Variants in DPP10 observed in about 807,000 individuals in gnomAD.
DPP10 encodes the protein dipeptidyl peptidase like 10.
DPP10 carries 33 observed loss-of-function variants against 120.9 expected under a neutral mutation model. That is an observed-to-expected ratio of 0.27 (90% CI 0.21 to 0.37). The LOEUF is 0.37. Among genes scored for constraint, DPP10 ranks in the 10% least tolerant of loss-of-function variants. DPP10 has a pLI of 1.00. For synonymous variants in DPP10, 337 were observed against 326.1 expected, an observed-to-expected ratio of 1.03 and a Z score of -0.36; for missense variants, 816 against 942.8, an observed-to-expected ratio of 0.87 and a Z score of 1.76.
At chr2:115,009,210 A>T (rs1702079283) in intron 1 of DPP10, among the ~76,000 whole-genome samples, 1 of 149,896 alleles carries the variant, frequency 6.7e-6, no homozygotes, top group South Asian at 2.2e-4. Context: ...CTGGATTAAG[A>T]AAATGTGGCA....
chr2:115,785,566 G>A (rs1683243500), intron 17 of DPP10, among the ~76,000 whole-genome samples: 1 of 152,128 alleles, frequency 6.6e-6, no homozygotes, highest in African/African-American at 2.4e-5. Context: ...ACTCTTGAAA[G>A]GGTGTGTATG....
intron 1 of DPP10, among the ~76,000 whole-genome samples, chr2:114,859,869 G>A (rs1275102510): frequency 2.6e-5 from 4 of 152,198 alleles, no homozygotes; most frequent in African/African-American, 9.6e-5. Flanking sequence ...GGCTAGGCTA[G>A]ACCAGGGCTT....
At chr2:115,641,067 A>G (rs187943099) in intron 5 of DPP10, among the ~76,000 whole-genome samples, 2 of 152,300 alleles carry the variant, frequency 1.3e-5, no homozygotes, top group South Asian at 2.1e-4. Flanking sequence ...TATGATATAC[A>G]TACAGGAAAG....
At chr2:115,049,598 T>C (rs960553272) in intron 1 of DPP10, among the ~76,000 whole-genome samples, 2 of 152,208 alleles carry the variant, frequency 1.3e-5, no homozygotes, top group Admixed American at 1.3e-4. Context: ...TTTATGTTCC[T>C]TCAATATCAG....
At chr2:115,777,754 T>C (rs1182625304) in intron 14 of DPP10, 33 bp from the exon 15 acceptor site, 3 of 1,610,940 alleles carry the variant, frequency 1.9e-6, no homozygotes, top group Non-Finnish European at 2.5e-6. Flanking sequence ...TAGATCTGTG[T>C]CTAATGCTTG....
chr2:115,103,153 A>G (rs2048777861), intron 1 of DPP10, among the ~76,000 whole-genome samples: 2 of 147,354 alleles, frequency 1.4e-5, no homozygotes, highest in Non-Finnish European at 3.0e-5. Flanking sequence ...CAGTTGGGTT[A>G]TTCTCCTTCA....
intron 1 of DPP10, among the ~76,000 whole-genome samples, chr2:115,189,840 C>T (rs1030748179): frequency 7.2e-5 from 11 of 152,076 alleles, no homozygotes. Flanking sequence ...AAGTAAGCAT[C>T]GAGGCTATGA....
intron 1 of DPP10, among the ~76,000 whole-genome samples, chr2:114,740,210 A>T (rs902021925): frequency 7.9e-5 from 12 of 151,818 alleles, no homozygotes; most frequent in South Asian, 6.3e-4. Flanking sequence ...CTTTGTAGGG[A>T]CATGGATGAA....
intron 1 of DPP10, among the ~76,000 whole-genome samples, chr2:114,703,656 A>G (rs1700515621): frequency 6.6e-6 from 1 of 152,172 alleles, no homozygotes; most frequent in Non-Finnish European, 1.5e-5. Flanking sequence ...TCCATAGGAA[A>G]TGGAAGTGGT....
At chr2:114,728,246 G>A (rs1676542255) in intron 1 of DPP10, among the ~76,000 whole-genome samples, 2 of 152,170 alleles carry the variant, frequency 1.3e-5, no homozygotes, top group Admixed American at 6.5e-5. Context: ...GGAGCCAGGA[G>A]GAGAAGATGC....
intron 1 of DPP10, among the ~76,000 whole-genome samples, chr2:114,450,816 C>T (rs1037348981): frequency 2.0e-5 from 3 of 151,774 alleles, no homozygotes; most frequent in African/African-American, 7.3e-5. Flanking sequence ...TGTTGTTCTT[C>T]TTTGGAGCTT....
chr2:114,486,129 T>C (rs1023124326), intron 1 of DPP10, among the ~76,000 whole-genome samples: 4 of 152,178 alleles, frequency 2.6e-5, no homozygotes, highest in Non-Finnish European at 4.4e-5. Flanking sequence ...TAAGAAATTC[T>C]GGAAATTCAA....
intron 1 of DPP10, among the ~76,000 whole-genome samples, chr2:114,980,218 C>G (rs935731846): frequency 6.6e-6 from 1 of 152,124 alleles, no homozygotes; most frequent in African/African-American, 2.4e-5. Flanking sequence ...CTCAATCAGA[C>G]AGCCTATATG....
At chr2:115,759,678 C>T (rs1053421382) in intron 11 of DPP10, among the ~76,000 whole-genome samples, 2 of 140,632 alleles carry the variant, frequency 1.4e-5, no homozygotes, top group African/African-American at 5.3e-5. Flanking sequence ...GACATATATA[C>T]ACACACACAT....
In DPP10 at chr2:114,717,590, G is replaced by A. The variant is rs575365569; in HGVS notation, c.60+274752G>A. Among the ~76,000 whole-genome samples the A allele has an allele frequency of 1.8e-3, 281 of 152,214 alleles. 2 individuals carry two copies. The highest frequency in any genetic ancestry group is 6.3e-3 in the African/African-American group (261 of 41,522). ...TAAACCTTTAAAAATAATGTATAAG[G>A]TTTGCTAGATTATATTCTTGGAGAA... On this transcript the variant is annotated intron_variant, in intron 1 of 25. Transcript: ENST00000410059.
chr2:115,370,266 T>G (rs1159450964), intron 3 of DPP10, among the ~76,000 whole-genome samples: 4 of 152,044 alleles, frequency 2.6e-5, no homozygotes, highest in Non-Finnish European at 4.4e-5. Context: ...GGCTTTGAAA[T>G]CCATATTTAC....
chr2:115,285,168 G>T (rs1049969226), intron 1 of DPP10, among the ~76,000 whole-genome samples: 1 of 152,016 alleles, frequency 6.6e-6, no homozygotes, highest in African/African-American at 2.4e-5. Context: ...AGTTAGAGCA[G>T]GCCCAGGACC....
At chr2:114,963,696 C>T (rs1473172830) in intron 1 of DPP10, among the ~76,000 whole-genome samples, 3 of 152,132 alleles carry the variant, frequency 2.0e-5, no homozygotes, top group Non-Finnish European at 2.9e-5. Context: ...AGGGGCTGAG[C>T]TAAGCTTGAG....
chr2:115,027,557 A>G (rs1703552883), intron 1 of DPP10, among the ~76,000 whole-genome samples: 1 of 152,072 alleles, frequency 6.6e-6, no homozygotes, highest in Admixed American at 6.5e-5. Context: ...AGGATTTTGC[A>G]TTTATTTTCA....
Sources: allele counts gnomAD v4.1 joint callset (sites outside exome capture counted in the v4.1 genomes callset), GRCh38; gene constraint gnomAD v4.1.1; transcripts MANE v1.5; gene names NCBI Gene and HGNC (gene_info 2026-07-23, HGNC 2026-07-21).